The following KNL1 variants were observed in gnomAD, a reference collection of about 807,000 sequenced individuals.
The protein encoded by KNL1 is kinetochore scaffold 1.
Under a neutral mutation model 201.3 loss-of-function variants are expected in KNL1, and 66 were observed. The ratio of observed to expected loss-of-function variants is 0.33; its 90% CI spans 0.27 to 0.40. The LOEUF (loss-of-function observed/expected upper bound fraction) is 0.40, where lower values mean the gene tolerates loss of function less well. Ranked by LOEUF, KNL1 falls within the 10% of genes least tolerant of loss-of-function variation. The pLI, the probability that KNL1 is intolerant of heterozygous loss-of-function variation, is 1.00. For missense variants in KNL1, 2,815 were observed against 2,690.5 expected, an observed-to-expected ratio of 1.05 and a Z score of -1.02; for synonymous variants, 895 against 899.2, an observed-to-expected ratio of 1.00 and a Z score of 0.08.
intron 17 of KNL1, among the ~76,000 whole-genome samples, chr15:40,649,946 G>A (rs1893504758): frequency 1.3e-5 from 2 of 151,808 alleles, no homozygotes; most frequent in Non-Finnish European, 2.9e-5. Context: ...TAAATTATAA[G>A]CTCTGTGGAG....
At chr15:40,597,515 T>A (rs948911034) in intron 1 of KNL1, among the ~76,000 whole-genome samples, 2 of 152,166 alleles carry the variant, frequency 1.3e-5, no homozygotes, top group Non-Finnish European at 2.9e-5. Flanking sequence ...CCTCAAGTGA[T>A]CCACCCACCT....
At chr15:40,658,945 AAAAG>A (rs1893822976) in intron 24 of KNL1, among the ~76,000 whole-genome samples, 1 of 146,550 alleles carries the variant, frequency 6.8e-6, no homozygotes, top group African/African-American at 2.5e-5. Flanking sequence ...AAAAAAAAGA[AAAAG>A]AAAAGAAATA....
intron 7 of KNL1, among the ~76,000 whole-genome samples, chr15:40,614,764 T>C (rs1892287343): frequency 6.6e-6 from 1 of 152,246 alleles, no homozygotes; most frequent in Non-Finnish European, 1.5e-5. Context: ...CAACATTTAG[T>C]GAACTCCCTA....
intron 5 of KNL1, among the ~76,000 whole-genome samples, chr15:40,609,130 G>A (rs909673779): frequency 5.3e-5 from 8 of 151,962 alleles, no homozygotes; most frequent in South Asian, 2.1e-4. Flanking sequence ...ACTAGGGGCC[G>A]GGTGTGCTGG....
chr15:40,645,516 T>C (rs899944723), intron 15 of KNL1, 140 bp from the exon 16 acceptor site: 2 of 460,816 alleles, frequency 4.3e-6, no homozygotes, highest in Middle Eastern at 3.1e-4. Context: ...TTTTTTCTGG[T>C]CTTAGACAAT....
chr15:40,615,991 T>A (rs552442373), intron 8 of KNL1: 1 of 100 alleles, frequency 0.01, no homozygotes, highest in East Asian at 0.17. Context: ...GGTCTCGAAC[T>A]GCTACCCTCG....
chr15:40,640,353 AAAG>A (rs1480521622), intron 13 of KNL1, among the ~76,000 whole-genome samples: 2 of 151,948 alleles, frequency 1.3e-5, no homozygotes, highest in African/African-American at 4.8e-5. Context: ...GCCACCTCCC[AAAG>A]TGCTGGGATT....
chr15:40,647,098 CAAAAG>C, intron 17 of KNL1, 24 bp downstream of exon 17: 1 of 1,184,744 alleles, frequency 8.4e-7, no homozygotes, highest in Non-Finnish European at 1.3e-6. Context: ...AATACTTTTC[CAAAAG>C]AAAATTTAAT....
intron 7 of KNL1, among the ~76,000 whole-genome samples, chr15:40,612,771 C>T (rs1892213060): frequency 6.6e-6 from 1 of 152,030 alleles, no homozygotes; most frequent in Admixed American, 6.6e-5. Context: ...CCCACTTTGG[C>T]CTCCTAAAGT....
rs896447803 is a variant in KNL1 at position 40,662,320 on chromosome 15, T to C, written c.*132T>C. ...TTCCTTCTGATGATGTTATAGTTAA[T>C]CTGTATGTTTTTTATATCTCTGCAG... On this transcript the variant is annotated 3_prime_UTR_variant, in exon 26 of 26. Coordinates refer to ENST00000399668, the MANE Select transcript of KNL1 (RefSeq NM_144508.5). 1 of 620,264 alleles carries C rather than the reference T, an allele frequency of 1.6e-6. No homozygotes were observed. The highest frequency in any genetic ancestry group is 2.8e-5 in the Admixed American group (1 of 36,200). The allele number at this position is 620,264 out of a possible 1,614,324, so 38.4% of individuals were successfully genotyped here.
intron 13 of KNL1, among the ~76,000 whole-genome samples, chr15:40,632,693 A>G (rs1022354385): frequency 8.5e-5 from 13 of 152,196 alleles, no homozygotes; most frequent in Admixed American, 4.6e-4. Context: ...TCCAAAATAT[A>G]TAAAGAACTC....
At position 40,623,983 on chromosome 15, in the gene KNL1, C is replaced by A; in HGVS notation, c.3719C>A (p.Thr1240Asn). The A allele has an allele frequency of 6.2e-7, 1 of 1,613,782 alleles. No individual in the cohort carries two copies. The highest frequency in any genetic ancestry group is 8.5e-7 in the Non-Finnish European group (1 of 1,179,896). The change falls in exon 10 of 26, where the codon ACT becomes AAT. Residue 1240 changes from threonine to asparagine, a missense_variant. This residue lies in a region of KNL1 where 2,464 missense variants were observed against 2,291.7 expected (regional missense o/e 1.08). Coordinates refer to ENST00000399668, the MANE Select transcript of KNL1 (RefSeq NM_144508.5). ...CAACTCTTTGCTGCTACTAATAGAACTACTAATGAAATCATCAAATTTCAT... is the reference window on the plus strand; with the variant it reads ...CAACTCTTTGCTGCTACTAATAGAAATACTAATGAAATCATCAAATTTCAT... The part of the protein sequence containing the change: ...KQQLFAATNR[T>N]TNEIIKFHSA...
intron 7 of KNL1, among the ~76,000 whole-genome samples, chr15:40,614,615 T>G: frequency 6.6e-6 from 1 of 152,234 alleles, no homozygotes; most frequent in East Asian, 1.9e-4. Flanking sequence ...ATTTTTTTTG[T>G]ATGTCCAAGT....
chr15:40,641,054 G>T, intron 14 of KNL1, 27 bp downstream of exon 14: 1 of 1,430,826 alleles, frequency 7.0e-7, no homozygotes, highest in Non-Finnish European at 9.8e-7. Context: ...TTTTATGTGT[G>T]TTTTTTTGAG....
At chr15:40,637,382 A>G (rs1324766085) in intron 13 of KNL1, among the ~76,000 whole-genome samples, 4 of 129,654 alleles carry the variant, frequency 3.1e-5, no homozygotes, top group Admixed American at 7.6e-5. Context: ...TTTTTTTTTA[A>G]GTTTACTTTA....
At chr15:40,628,570 A>T in intron 11 of KNL1, 41 bp from the exon 12 acceptor site, 1 of 1,266,992 alleles carries the variant, frequency 7.9e-7, no homozygotes, top group Non-Finnish European at 1.1e-6. Context: ...TTCACAGTTT[A>T]GTTTTGACTT....
intron 13 of KNL1, among the ~76,000 whole-genome samples, chr15:40,639,554 C>T (rs1402063976): frequency 6.7e-6 from 1 of 149,448 alleles, no homozygotes; most frequent in Non-Finnish European, 1.5e-5. Flanking sequence ...CACTTCACTC[C>T]AGCCTGGGCA....
chr15:40,624,942 A>T lies in KNL1; in HGVS notation c.4678A>T (p.Asn1560Tyr). 6.2e-7 allele frequency: 1 copy of T among 1,613,800 alleles called. No individual in the cohort carries two copies. Among genetic ancestry groups the T allele is most frequent in the Non-Finnish European group, 8.5e-7 (1 of 1,179,940 alleles). ...NVPCFHSIKP[N>Y]LNNLNGKTGE... ...TCCATGTTTTCATAGTATCAAACCA[A>T]ATCTGAATAATTTGAATGGAAAAAC... Residue 1560 changes from asparagine (N) to tyrosine (Y), a missense_variant, in exon 10 of 26, where the codon AAT (asparagine) becomes TAT (tyrosine). Transcript: ENST00000399668.
At chr15:40,608,697 A>G (rs1892055602) in intron 4 of KNL1, 150 bp from the exon 5 acceptor site, 2 of 538,204 alleles carry the variant, frequency 3.7e-6, no homozygotes, top group South Asian at 4.9e-5. Context: ...GTGAGCCAAG[A>G]TCACACCGTT....
Sources: gnomAD v4.1 joint callset for allele counts (sites outside exome capture counted in the v4.1 genomes callset) on GRCh38, gnomAD v4.1.1 for gene constraint, gnomAD v4.1.1 regional missense constraint, MANE v1.5 for transcripts, NCBI Gene and HGNC (gene_info 2026-07-23, HGNC 2026-07-21) for gene names.